The following ITPR1 variants were observed in gnomAD, a reference collection of about 807,000 sequenced individuals.
ITPR1 encodes inositol 1,4,5-trisphosphate receptor type 1.
A neutral mutation model predicts 318.4 loss-of-function variants in ITPR1; 96 were observed. That is an observed-to-expected ratio of 0.30 (90% CI 0.26 to 0.36). ITPR1 has a LOEUF of 0.36. ITPR1 is among the 10% of genes least tolerant of loss of function. The pLI, the probability that ITPR1 is intolerant of heterozygous loss-of-function variation, is 1.00. For missense variants in ITPR1, 2,440 were observed against 3,460.2 expected (o/e 0.71, Z 7.40); for synonymous variants, 1,312 against 1,289.9 (o/e 1.02, Z -0.37).
intron 4 of ITPR1, among the ~76,000 whole-genome samples, chr3:4,546,140 C>T (rs1320195915): frequency 1.6e-4 from 24 of 152,112 alleles, no homozygotes; most frequent in Admixed American, 1.6e-3. Context: ...AGTCAGTGTA[C>T]ATGATTATCA....
intron 29 of ITPR1, 111 bp from the exon 30 acceptor site, chr3:4,684,958 G>A (rs572766820): frequency 1.5e-4 from 160 of 1,075,558 alleles, no homozygotes; most frequent in African/African-American, 1.9e-4. Flanking sequence ...TTTGTTTTAC[G>A]TTTTTAATGC....
At chr3:4,795,266 G>A (rs1290408728) in intron 53 of ITPR1, 79 bp downstream of exon 53, 1 of 1,446,280 alleles carries the variant, frequency 6.9e-7, no homozygotes, top group Admixed American at 2.0e-5. Flanking sequence ...GTGGTTCCTG[G>A]ATGTATTGGT....
intron 6 of ITPR1, 115 bp downstream of exon 6, chr3:4,639,585 A>G (rs766678653): frequency 1.1e-5 from 8 of 742,816 alleles, no homozygotes; most frequent in Non-Finnish European, 1.6e-5. Context: ...CCATGGAGGC[A>G]GCCAGTTTAT....
chr3:4,843,179 C>T (rs1265711735), intron 61 of ITPR1, among the ~76,000 whole-genome samples: 1 of 147,936 alleles, frequency 6.8e-6, no homozygotes, highest in Non-Finnish European at 1.5e-5. Context: ...TTAGCAGTCA[C>T]TTAAATGGCA....
At chr3:4,711,234 A>G (rs1053091590) in intron 38 of ITPR1, among the ~76,000 whole-genome samples, 16 of 150,178 alleles carry the variant, frequency 1.1e-4, no homozygotes, top group South Asian at 2.1e-4. Flanking sequence ...AAAAAAAAAA[A>G]AGAGATTTTT....
intron 58 of ITPR1, 45 bp downstream of exon 58, chr3:4,814,607 GGT>G: frequency 8.1e-7 from 1 of 1,238,408 alleles, no homozygotes; most frequent in Non-Finnish European, 1.1e-6. Context: ...GGGCGGGTGG[GGT>G]GGTTGGTGGG....
Position 4,662,258 on chromosome 3 carries a change from T to C in ITPR1, c.1412+16T>C. On this transcript the variant is annotated intron_variant, in intron 15 of 61. Coordinates refer to ENST00000649015, the MANE Select transcript of ITPR1 (RefSeq NM_001378452.1). ...ATGAAAGGAGGTGAGCACTCCCGCA[T>C]GCTCAGCACAGCCGCCCTCCCGCAC... 6.4e-7 allele frequency: 1 copy of C among 1,571,208 alleles called. No individual in the cohort carries two copies.
chr3:4,538,776 A>G (rs1262987280), intron 4 of ITPR1, among the ~76,000 whole-genome samples: 1 of 152,172 alleles, frequency 6.6e-6, no homozygotes, highest in Non-Finnish European at 1.5e-5. Flanking sequence ...TAATTCAAGA[A>G]CAGAAAACCA....
chr3:4,564,220 C>T (rs1193400991), intron 4 of ITPR1, among the ~76,000 whole-genome samples: 4 of 152,050 alleles, frequency 2.6e-5, no homozygotes, highest in Non-Finnish European at 4.4e-5. Context: ...GGATTACAGG[C>T]GTGAGCCACC....
At chr3:4,570,633 T>C (rs868715609) in intron 4 of ITPR1, among the ~76,000 whole-genome samples, 1 of 152,270 alleles carries the variant, frequency 6.6e-6, no homozygotes, top group Non-Finnish European at 1.5e-5. Flanking sequence ...TAAAATGATA[T>C]TTAATTCTAC....
chr3:4,510,051 G>C (rs755071574), intron 2 of ITPR1, among the ~76,000 whole-genome samples: 1 of 152,206 alleles, frequency 6.6e-6, no homozygotes, highest in Non-Finnish European at 1.5e-5. Flanking sequence ...TGTTGGAAAC[G>C]TATAACCCAG....
At chr3:4,504,691 C>A (rs2081276232) in intron 2 of ITPR1, among the ~76,000 whole-genome samples, 1 of 152,164 alleles carries the variant, frequency 6.6e-6, no homozygotes, top group Non-Finnish European at 1.5e-5. Context: ...TATCGCCAAG[C>A]ATCTTTGCTC....
chr3:4,611,609 G>A (rs1441767107), intron 4 of ITPR1, among the ~76,000 whole-genome samples: 3 of 118,356 alleles, frequency 2.5e-5, no homozygotes, highest in South Asian at 3.3e-4. Flanking sequence ...AGCAGGTGTC[G>A]TGGCATGTGC....
At chr3:4,780,753 C>T (rs978570167) in intron 49 of ITPR1, among the ~76,000 whole-genome samples, 4 of 152,132 alleles carry the variant, frequency 2.6e-5, no homozygotes, top group Admixed American at 2.0e-4. Context: ...ACATAACAAG[C>T]TTATGTAACT....
chr3:4,766,544 T>C lies in ITPR1; in HGVS notation c.5559T>C (p.Cys1853=), dbSNP rs1465232280. The C allele has an allele frequency of 6.2e-7, 1 of 1,613,702 alleles. No individual in the cohort carries two copies. The highest frequency in any genetic ancestry group is 1.3e-5 in the African/African-American group (1 of 74,930). Residue 1853 remains cysteine, a synonymous_variant, in exon 45 of 62, where the codon TGT becomes TGC. Transcript: ENST00000649015. ...GNTTIQHSFF[C]RLTEDKKSEK... The stretch of plus-strand genomic sequence containing the variant: ...TTCCTTTGCAGCACTCCTTTTTCTG[T>C]CGCTTGACAGAAGATAAGAAGTCAG...
chr3:4,626,800 C>T (rs1295968019), intron 4 of ITPR1, among the ~76,000 whole-genome samples: 2 of 152,096 alleles, frequency 1.3e-5, no homozygotes, highest in African/African-American at 2.4e-5. Flanking sequence ...CCTAGGAGAG[C>T]CCTCCAAATA....
At chr3:4,742,362 A>C (rs969111558) in intron 44 of ITPR1, among the ~76,000 whole-genome samples, 1 of 152,214 alleles carries the variant, frequency 6.6e-6, no homozygotes. Context: ...TCCGGTAGAC[A>C]AGTGGAGCTG....
chr3:4,698,274 CTG>C (rs1222016994), intron 34 of ITPR1, among the ~76,000 whole-genome samples: 2 of 133,176 alleles, frequency 1.5e-5, no homozygotes, highest in African/African-American at 5.8e-5. Context: ...TTCTGCTTGA[CTG>C]TATGATTACT....
chr3:4,838,782 T>C (rs985854721), intron 61 of ITPR1, among the ~76,000 whole-genome samples: 1 of 152,226 alleles, frequency 6.6e-6, no homozygotes, highest in Non-Finnish European at 1.5e-5. Context: ...TATGTTTCAG[T>C]TGATCTGAGA....
Sources: allele counts gnomAD v4.1 joint callset (sites outside exome capture counted in the v4.1 genomes callset), GRCh38; gene constraint gnomAD v4.1.1; transcripts MANE v1.5; gene names NCBI Gene and HGNC (gene_info 2026-07-23, HGNC 2026-07-21).